The following TAFA5 variants were observed in gnomAD, a reference collection of about 807,000 sequenced individuals.
The protein encoded by TAFA5 is TAFA chemokine like family member 5.
TAFA5 carries 6 observed loss-of-function variants against 15.3 expected under a neutral mutation model. The ratio of observed to expected loss-of-function variants is 0.39; its 90% CI spans 0.21 to 0.77. The LOEUF is 0.77. Ranked by LOEUF, TAFA5 falls within the 30% of genes least tolerant of loss-of-function variation. The pLI is 0.41. For synonymous variants in TAFA5, 103 were observed against 80.7 expected, an observed-to-expected ratio of 1.28 and a Z score of -1.48; for missense variants, 161 against 193.1, an observed-to-expected ratio of 0.83 and a Z score of 0.98.
intron 1 of TAFA5, among the ~76,000 whole-genome samples, chr22:48,633,532 G>C (rs61052628): frequency 0.76 from 105,598 of 138,330 alleles, 38,567 homozygotes; most frequent in African/African-American, 0.83. Context: ...CTGTCTGTCT[G>C]TCTCTCCCTC....
intron 1 of TAFA5, among the ~76,000 whole-genome samples, chr22:48,644,646 G>C (rs1343433776): frequency 6.6e-6 from 1 of 152,270 alleles, no homozygotes; most frequent in Non-Finnish European, 1.5e-5. Context: ...CCCTGGCCAG[G>C]GTGCTGGGCT....
chr22:48,542,354 CAT>C (rs1438524280), intron 1 of TAFA5, among the ~76,000 whole-genome samples: 2 of 65,812 alleles, frequency 3.0e-5, no homozygotes, highest in African/African-American at 6.3e-5. Context: ...GGTGTGTGTG[CAT>C]ATGTGTGTGT....
intron 1 of TAFA5, among the ~76,000 whole-genome samples, chr22:48,573,322 T>G (rs1380604028): frequency 1.3e-5 from 2 of 152,264 alleles, no homozygotes; most frequent in Non-Finnish European, 2.9e-5. Flanking sequence ...CTTTCTGGCT[T>G]GCTTAGATTT....
At chr22:48,534,147 T>TCAGGCAGGTGAGGGGGGC (rs1436823215) in intron 1 of TAFA5, among the ~76,000 whole-genome samples, 12 of 141,202 alleles carry the variant, frequency 8.5e-5, no homozygotes, top group African/African-American at 3.0e-4. Context: ...GTGAGGGAGG[T>TCAGGCAGGTGAGGGGGGC]CAGGCAGGTG....
In TAFA5 at chr22:48,739,988, G is replaced by A. The variant is rs1294354207; in HGVS notation, c.391-9851G>A. On this transcript the variant is annotated intron_variant, in intron 3 of 3. Transcript: ENST00000402357. Reference sequence around the variant, plus strand: ...CCAGGACTGCAGGTCGGCTTTCTAAGTGGGAGTCTGATCGGTGTCCGGATG... The same window carrying A: ...CCAGGACTGCAGGTCGGCTTTCTAAATGGGAGTCTGATCGGTGTCCGGATG... Among the ~76,000 whole-genome samples the A allele has an allele frequency of 2.6e-5, 4 of 152,152 alleles. 1 individual carries two copies. The highest frequency in any genetic ancestry group is 2.0e-4 in the Admixed American group (3 of 15,280).
At chr22:48,546,026 G>A (rs550351918) in intron 1 of TAFA5, among the ~76,000 whole-genome samples, 1 of 152,330 alleles carries the variant, frequency 6.6e-6, no homozygotes. Flanking sequence ...GCCCGTCGCT[G>A]GGCGGGAGGA....
At chr22:48,655,830 CTTTTTTTTTTTTTT>C (rs1197219539) in intron 2 of TAFA5, among the ~76,000 whole-genome samples, 25 of 62,404 alleles carry the variant, frequency 4.0e-4, no homozygotes, top group Admixed American at 2.4e-3. Context: ...AACACTGATT[CTTTTTTTTTTTTTT>C]TTTTTTTTTT....
chr22:48,725,992 G>A (rs1929704306), intron 3 of TAFA5, among the ~76,000 whole-genome samples: 1 of 152,150 alleles, frequency 6.6e-6, no homozygotes, highest in South Asian at 2.1e-4. Flanking sequence ...TGAATTTCAA[G>A]AACAAAGGAA....
chr22:48,663,701 C>T (rs766419182), intron 2 of TAFA5, among the ~76,000 whole-genome samples: 1 of 152,178 alleles, frequency 6.6e-6, no homozygotes, highest in South Asian at 2.1e-4. Context: ...AATTTTGCGC[C>T]ATTCCACTTT....
At chr22:48,696,268 C>T (rs1329624866) in intron 2 of TAFA5, among the ~76,000 whole-genome samples, 2 of 152,184 alleles carry the variant, frequency 1.3e-5, no homozygotes, top group Admixed American at 6.5e-5. Context: ...CAGCACTCTG[C>T]GTTTATGACC....
rs558989674 is a variant in TAFA5, at chr22:48,695,985, G to T, written c.263-11732G>T. 1.2e-4 allele frequency among the ~76,000 whole-genome samples: 18 copies of T among 152,292 alleles called. No individual in the cohort carries two copies. The East Asian group carries it at 3.5e-3, about 29-fold the overall frequency. On this transcript the variant is annotated intron_variant, in intron 2 of 3. Transcript: ENST00000402357. ...AGGGTCAGCACTCGAGAGCATATAG[G>T]CTGTTTGGGACTTCGATGAGCTGGG...
chr22:48,630,257 C>T (rs1244945048), intron 1 of TAFA5, among the ~76,000 whole-genome samples: 1 of 152,170 alleles, frequency 6.6e-6, no homozygotes, highest in Non-Finnish European at 1.5e-5. Flanking sequence ...TGGAGGCGAG[C>T]TCGCTGAATG....
intron 2 of TAFA5, among the ~76,000 whole-genome samples, chr22:48,686,041 C>A (rs921618566): frequency 6.6e-6 from 1 of 152,014 alleles, no homozygotes; most frequent in Non-Finnish European, 1.5e-5. Flanking sequence ...GCAGGCCCCA[C>A]GTGTGCCCCG....
intron 1 of TAFA5, among the ~76,000 whole-genome samples, chr22:48,562,936 C>T (rs1050753123): frequency 6.6e-6 from 1 of 152,224 alleles, no homozygotes; most frequent in East Asian, 1.9e-4. Flanking sequence ...CCCGTCTGTG[C>T]GGAGGCCCTG....
chr22:48,614,202 G>A (rs1030196120), intron 1 of TAFA5, among the ~76,000 whole-genome samples: 70 of 152,132 alleles, frequency 4.6e-4, no homozygotes, highest in African/African-American at 1.6e-3. Context: ...CTGGGGGCCC[G>A]AACCATTCCT....
At chr22:48,518,575 C>T (rs546037799) in intron 1 of TAFA5, among the ~76,000 whole-genome samples, 39 of 152,286 alleles carry the variant, frequency 2.6e-4, no homozygotes, top group Non-Finnish European at 5.1e-4. Flanking sequence ...CCACAGTTCT[C>T]ACGGCATTAT....
At chr22:48,693,774 G>GCTTT (rs1928615824) in intron 2 of TAFA5, among the ~76,000 whole-genome samples, 1 of 152,136 alleles carries the variant, frequency 6.6e-6, no homozygotes, top group Non-Finnish European at 1.5e-5. Context: ...CCTACCCTGG[G>GCTTT]CTTTGCATCT....
At chr22:48,505,687 G>A (rs757226085) in intron 1 of TAFA5, among the ~76,000 whole-genome samples, 15 of 152,130 alleles carry the variant, frequency 9.9e-5, no homozygotes, top group African/African-American at 2.2e-4. Flanking sequence ...TGCAGTGAGC[G>A]TCACCCGAAG....
At chr22:48,495,596 G>C (rs1261003968) in intron 1 of TAFA5, among the ~76,000 whole-genome samples, 3 of 152,170 alleles carry the variant, frequency 2.0e-5, no homozygotes, top group Non-Finnish European at 4.4e-5. Flanking sequence ...CTGTGCCCCT[G>C]GCCCTGCACC....
Sources: allele counts gnomAD v4.1 joint callset (sites outside exome capture counted in the v4.1 genomes callset), GRCh38; gene constraint gnomAD v4.1.1; transcripts MANE v1.5; gene names NCBI Gene and HGNC (gene_info 2026-07-23, HGNC 2026-07-21).